The following PCDHA3 variants were observed in gnomAD, a reference collection of about 807,000 sequenced individuals.
PCDHA3 encodes protocadherin alpha 3.
A neutral mutation model predicts 62.2 loss-of-function variants in PCDHA3; 41 were observed. The observed-to-expected ratio is 0.66, with a 90% CI of 0.51 to 0.86. PCDHA3 has a LOEUF of 0.86. Ranked by LOEUF, PCDHA3 falls within the 40% of genes least tolerant of loss-of-function variation. PCDHA3 has a pLI of 0.00. For synonymous variants in PCDHA3, 640 were observed against 555.4 expected (o/e 1.15, Z -2.14); for missense variants, 1,304 against 1,241.2 (o/e 1.05, Z -0.76).
In PCDHA3 at chr5:141,009,947, A is replaced by G; in HGVS notation, c.*10A>G. On this transcript the variant is annotated 3_prime_UTR_variant, in exon 4 of 4. Coordinates refer to ENST00000522353, the MANE Select transcript of PCDHA3 (RefSeq NM_018906.3). ...CAACAGTGACCAGTGAGGTCCTCAAATGGAAACAAGCCACTTAGCCAGTTT... is the reference window on the plus strand; with the variant it reads ...CAACAGTGACCAGTGAGGTCCTCAAGTGGAAACAAGCCACTTAGCCAGTTT... The G allele has an allele frequency of 1.9e-6, 3 of 1,596,272 alleles. No individual in the cohort carries two copies. The South Asian group carries it at 3.4e-5, about 18-fold the overall frequency.
At chr5:140,929,400 A>G (rs915139377) in intron 1 of PCDHA3, 5 of 1,509,110 alleles carry the variant, frequency 3.3e-6, no homozygotes, top group African/African-American at 2.8e-5. Flanking sequence ...TATTTCTTAG[A>G]CAAGCCTTTC....
chr5:140,852,107 A>T, intron 1 of PCDHA3: 1 of 907,274 alleles, frequency 1.1e-6, no homozygotes, highest in East Asian at 1.2e-4. Context: ...ATATTTTACA[A>T]GGTATGACCT....
chr5:140,801,263 A>G lies in PCDHA3; in HGVS notation c.66A>G (p.Ala22=). The part of the protein sequence containing the change: ...QCLLLSLLLL[A]ASEVGSGQLH... ...TGCTGCTTTCTCTTCTGCTCCTCGC[A>G]GCCTCGGAGGTGGGGAGCGGCCAGC... Residue 22 remains alanine (A), a synonymous_variant, in exon 1 of 4, where the codon GCA becomes GCG. Coordinates refer to ENST00000522353, the MANE Select transcript of PCDHA3 (RefSeq NM_018906.3). 1.2e-6 allele frequency: 2 copies of G among 1,613,734 alleles called. No individual in the cohort carries two copies. Among genetic ancestry groups the G allele is most frequent in the South Asian group, 1.1e-5 (1 of 91,050 alleles).
chr5:140,960,919 A>G (rs542740686), intron 1 of PCDHA3, among the ~76,000 whole-genome samples: 1 of 152,334 alleles, frequency 6.6e-6, no homozygotes, highest in Non-Finnish European at 1.5e-5. Flanking sequence ...CAGATAGAAA[A>G]TTGGTACTAA....
At position 140,834,723 on chromosome 5, in the gene PCDHA3, C is replaced by A. The variant is rs1187806383; in HGVS notation, c.2394+31132C>A. The A allele has an allele frequency of 3.1e-6, 5 of 1,614,158 alleles. No homozygotes were observed. The African/African-American group carries it at 6.7e-5, about 22-fold the overall frequency. On this transcript the variant is annotated intron_variant, in intron 1 of 3. Transcript: ENST00000522353. Reference sequence around the variant, plus strand: ...CCTGGAGGTGATCGTGGAAAGGCCGCTGCAGGTTTTCCATGTGGACGTGGA... The same window carrying A: ...CCTGGAGGTGATCGTGGAAAGGCCGATGCAGGTTTTCCATGTGGACGTGGA...
At position 140,803,223 on chromosome 5, in the gene PCDHA3, C is replaced by T. The variant is rs148554584; in HGVS notation, c.2026C>T (p.Pro676Ser). Residue 676 changes from proline to serine, a missense_variant, in exon 1 of 4, where the codon CCC (proline) becomes TCC (serine). Physicochemically the swap from Pro to Ser is moderately conservative, Grantham distance 74. Transcript: ENST00000522353. ...LVSLVESGQA[P>S]KASSQASAGA... The stretch of plus-strand genomic sequence containing the variant: ...GTCGCTGGTGGAGAGTGGCCAGGCA[C>T]CCAAGGCCTCGTCCCAGGCGTCCGC... 3.9e-5 allele frequency: 63 copies of T among 1,613,842 alleles called. No homozygotes were observed. In the African/African-American group the frequency reaches 6.8e-4, roughly 17 times the overall value.
At chr5:141,005,689 G>A (rs980293858) in intron 3 of PCDHA3, among the ~76,000 whole-genome samples, 12 of 95,950 alleles carry the variant, frequency 1.3e-4, no homozygotes, top group African/African-American at 4.3e-4. Context: ...GCGACAGAGC[G>A]AAACTCCGTC....
At chr5:140,883,455 A>T in intron 1 of PCDHA3, 1 of 1,614,128 alleles carries the variant, frequency 6.2e-7, no homozygotes, top group East Asian at 2.2e-5. Flanking sequence ...GTCCCCTTCA[A>T]GCTGGTGTCC....
chr5:140,843,306 C>G, intron 1 of PCDHA3: 1 of 1,596,008 alleles, frequency 6.3e-7, no homozygotes, highest in East Asian at 2.2e-5. Context: ...CTGACCGCCA[C>G]GGCCACGGTT....
rs142788061 is a variant in PCDHA3 at position 140,803,043 on chromosome 5, G to A, written c.1846G>A (p.Gly616Ser). The change falls in exon 1 of 4, where the codon GGC becomes AGC. Residue 616 changes from glycine (G) to serine (S), a missense_variant. Gly to Ser is a moderately conservative substitution (Grantham distance 56). Transcript: ENST00000522353. ...TTCGTATGAGCTGCAGCCTGGGACCGGCGGTGCGCGCATCCCGTTTCGCGT... is the reference window on the plus strand; with the variant it reads ...TTCGTATGAGCTGCAGCCTGGGACCAGCGGTGCGCGCATCCCGTTTCGCGT... ...WLSYELQPGT[G>S]GARIPFRVGL... 1.3e-4 allele frequency: 210 copies of A among 1,613,896 alleles called. No individual in the cohort carries two copies. The highest frequency in any genetic ancestry group is 1.4e-4 in the Non-Finnish European group (166 of 1,179,950).
At chr5:140,895,949 T>C (rs1413820088) in intron 1 of PCDHA3, among the ~76,000 whole-genome samples, 1 of 152,256 alleles carries the variant, frequency 6.6e-6, no homozygotes, top group East Asian at 1.9e-4. Context: ...TAGCTGGGAT[T>C]ACAGGTGCCT....
intron 1 of PCDHA3, among the ~76,000 whole-genome samples, chr5:140,886,986 A>C (rs1246352877): frequency 6.6e-6 from 1 of 152,160 alleles, no homozygotes; most frequent in Non-Finnish European, 1.5e-5. Context: ...TGTAAATCCA[A>C]ATTTCCAGTT....
At chr5:140,952,351 AAAAG>A (rs1316352142) in intron 1 of PCDHA3, among the ~76,000 whole-genome samples, 25 of 120,612 alleles carry the variant, frequency 2.1e-4, no homozygotes, top group Non-Finnish European at 3.5e-4. Context: ...AAAAAAAAAA[AAAAG>A]AAAGAAAGAA....
At chr5:140,877,178 C>A (rs370071106) in intron 1 of PCDHA3, 34 of 1,613,676 alleles carry the variant, frequency 2.1e-5, no homozygotes, top group Middle Eastern at 1.7e-4. Context: ...CTGGCGACTC[C>A]GGCTGGCAGC....
rs2067929537 is a variant in PCDHA3 at position 140,900,315 on chromosome 5, T to C, written c.2395-78634T>C. Among the ~76,000 whole-genome samples the C allele has an allele frequency of 2.0e-5, 3 of 152,186 alleles. No homozygotes were observed. The East Asian group carries it at 5.8e-4, about 29-fold the overall frequency. On this transcript the variant is annotated intron_variant, in intron 1 of 3. Transcript: ENST00000522353. ...GTTTTTTTAGACAGTCTCACTTTTG[T>C]CGCCCAGGCTGGAGTACCGTGGCGC...
chr5:140,998,442 T>G lies in PCDHA3; in HGVS notation c.2543-11185T>G, dbSNP rs368931467. On this transcript the variant is annotated intron_variant, in intron 3 of 3. Coordinates refer to ENST00000522353, the MANE Select transcript of PCDHA3 (RefSeq NM_018906.3). ...GGTTTATCCTTTAACACTATTATTGTATTTATTCATTTACTTGTCTTTTCC... is the reference window on the plus strand; with the variant it reads ...GGTTTATCCTTTAACACTATTATTGGATTTATTCATTTACTTGTCTTTTCC... 1.7e-4 allele frequency among the ~76,000 whole-genome samples: 26 copies of G among 152,352 alleles called. No individual in the cohort carries two copies. In the South Asian group the frequency reaches 5.2e-3, roughly 30 times the overall value.
rs146932686 is a variant in PCDHA3, at chr5:140,955,010, G to T, written c.2395-23939G>T. 3.9e-3 allele frequency among the ~76,000 whole-genome samples: 599 copies of T among 152,256 alleles called. 6 individuals carry two copies. The highest frequency in any genetic ancestry group is 0.032 in the South Asian group (154 of 4,816). On this transcript the variant is annotated intron_variant, in intron 1 of 3. Transcript: ENST00000522353. ...TGCATATGGCTAGCCAATTCTCCCAGCACCATTTATTAAATAGGGAATCTT... is the reference window on the plus strand; with the variant it reads ...TGCATATGGCTAGCCAATTCTCCCATCACCATTTATTAAATAGGGAATCTT...
chr5:140,850,992 G>T, intron 1 of PCDHA3: 1 of 1,444,816 alleles, frequency 6.9e-7, no homozygotes, highest in Non-Finnish European at 9.2e-7. Context: ...CATTTTTCTA[G>T]AAATCCAGCA....
intron 3 of PCDHA3, among the ~76,000 whole-genome samples, chr5:140,986,402 A>G (rs782590214): frequency 6.6e-6 from 1 of 152,192 alleles, no homozygotes; most frequent in Non-Finnish European, 1.5e-5. Context: ...CCAGTCGCTC[A>G]TGTTACAGCT....
Sources: allele counts gnomAD v4.1 joint callset (sites outside exome capture counted in the v4.1 genomes callset), GRCh38; gene constraint gnomAD v4.1.1; transcripts MANE v1.5; gene names NCBI Gene and HGNC (gene_info 2026-07-23, HGNC 2026-07-21).